Variants in PLCH1 observed in about 807,000 individuals in gnomAD.
The protein encoded by PLCH1 is phospholipase C eta 1.
In PLCH1, 60 loss-of-function variants were observed where a neutral mutation model predicts 126.7. That is an observed-to-expected ratio of 0.47 (90% CI 0.38 to 0.59). PLCH1 has a LOEUF of 0.59. PLCH1 is among the 20% of genes least tolerant of loss of function. The pLI, the probability that PLCH1 is intolerant of heterozygous loss-of-function variation, is 0.00. For missense variants in PLCH1, 1,723 were observed against 2,040.0 expected (o/e 0.84, Z 2.99); for synonymous variants, 719 against 734.9 (o/e 0.98, Z 0.35).
At chr3:155,639,769 C>A (rs1220364202) in intron 2 of PLCH1, among the ~76,000 whole-genome samples, 1 of 152,120 alleles carries the variant, frequency 6.6e-6, no homozygotes, top group Non-Finnish European at 1.5e-5. Context: ...CTGACTAAAT[C>A]TCATGTCAAA....
At chr3:155,743,570 A>G in intron 1 of PLCH1, 1 of 453,762 alleles carries the variant, frequency 2.2e-6, no homozygotes, top group South Asian at 1.6e-5. Flanking sequence ...CCAGCTTGAG[A>G]AAACTGGCTT....
intron 2 of PLCH1, among the ~76,000 whole-genome samples, chr3:155,602,123 T>G (rs1432046640): frequency 2.6e-5 from 4 of 152,122 alleles, no homozygotes; most frequent in Admixed American, 2.6e-4. Flanking sequence ...AAATAAACAA[T>G]GGAGTACTAT....
intron 1 of PLCH1, among the ~76,000 whole-genome samples, chr3:155,737,448 C>T (rs1749284579): frequency 6.6e-6 from 1 of 151,656 alleles, no homozygotes. Context: ...CCTCCCACCT[C>T]GGCCTCCCAA....
intron 14 of PLCH1, among the ~76,000 whole-genome samples, chr3:155,499,108 A>G (rs554862802): frequency 4.4e-4 from 67 of 152,372 alleles, no homozygotes; most frequent in Non-Finnish European, 7.8e-4. Flanking sequence ...TAAGTATCAT[A>G]GTGGGTGTGA....
rs147627283 is a variant in PLCH1, at chr3:155,605,354, T to A, written c.80-8976A>T. ...TCATGGAAATGCCTACTCTACCCCC[T>A]CTCTAGAAATATTTCTTGCTTGTAT... On this transcript the variant is annotated intron_variant, in intron 2 of 22. Transcript: ENST00000460012. Among the ~76,000 whole-genome samples, 604 of 152,112 alleles carry A rather than the reference T, an allele frequency of 4.0e-3. 5 individuals carry two copies. Among genetic ancestry groups the A allele is most frequent in the African/African-American group, 0.014 (579 of 41,504 alleles).
intron 4 of PLCH1, 123 bp from the exon 5 acceptor site, chr3:155,586,317 CCCTGCAATCCATAGGCT>C (rs1731367187): frequency 4.5e-6 from 4 of 881,622 alleles, no homozygotes; most frequent in Non-Finnish European, 7.1e-6. Context: ...TTTGAGGAGC[CCCTGCAATCCATAGGCT>C]CTGATGAGCT....
At chr3:155,668,624 G>A (rs1215719544) in intron 2 of PLCH1, among the ~76,000 whole-genome samples, 2 of 152,188 alleles carry the variant, frequency 1.3e-5, no homozygotes, top group African/African-American at 4.8e-5. Context: ...TGGGTGCGGT[G>A]GCTCACACCT....
chr3:155,609,759 T>A (rs898769378), intron 2 of PLCH1, among the ~76,000 whole-genome samples: 13 of 151,500 alleles, frequency 8.6e-5, no homozygotes, highest in Non-Finnish European at 1.6e-4. Context: ...CACCAGAAAG[T>A]TTCAACAATA....
intron 2 of PLCH1, among the ~76,000 whole-genome samples, chr3:155,617,968 G>A (rs1244921935): frequency 6.6e-6 from 1 of 152,142 alleles, no homozygotes; most frequent in Admixed American, 6.5e-5. Context: ...TCCATGGATG[G>A]GTTCAAGGCT....
Position 155,485,338 on chromosome 3 carries a change from A to G in PLCH1, c.2974+18T>C. Reference sequence around the variant, plus strand: ...AGCCTAGAAGGGTTTATTCTCAGAGAAACTTAAAGCATCTTACCTAGAGAG... The same window carrying G: ...AGCCTAGAAGGGTTTATTCTCAGAGGAACTTAAAGCATCTTACCTAGAGAG... On this transcript the variant is annotated intron_variant, in intron 22 of 22. Coordinates refer to ENST00000460012, the MANE Select transcript of PLCH1 (RefSeq NM_014996.4). 6.5e-7 allele frequency: 1 copy of G among 1,529,588 alleles called. No individual in the cohort carries two copies. The highest frequency in any genetic ancestry group is 9.0e-7 in the Non-Finnish European group (1 of 1,110,580). The allele number at this position is 1,529,588 out of a possible 1,614,324, so 94.8% of individuals were successfully genotyped here.
intron 1 of PLCH1, among the ~76,000 whole-genome samples, chr3:155,740,406 C>CAAAAAAAA (rs60626575): frequency 9.8e-6 from 1 of 102,194 alleles, no homozygotes. Context: ...GACTCTGTCT[C>CAAAAAAAA]AAAAAAAAAA....
At chr3:155,666,130 C>T (rs970791308) in intron 2 of PLCH1, among the ~76,000 whole-genome samples, 21 of 152,176 alleles carry the variant, frequency 1.4e-4, no homozygotes, top group African/African-American at 2.4e-5. Flanking sequence ...CTTACTTATA[C>T]ATTTATCTTC....
At chr3:155,645,892 G>A (rs1435814963) in intron 2 of PLCH1, among the ~76,000 whole-genome samples, 1 of 152,202 alleles carries the variant, frequency 6.6e-6, no homozygotes, top group Non-Finnish European at 1.5e-5. Flanking sequence ...GTTTTCCAAA[G>A]CAAAGAACTA....
intron 6 of PLCH1, among the ~76,000 whole-genome samples, chr3:155,573,842 CCAT>C (rs759536116): frequency 1.3e-5 from 2 of 152,224 alleles, no homozygotes; most frequent in Middle Eastern, 3.4e-3. Context: ...GTTATTATAG[CCAT>C]CTTCATAATC....
chr3:155,581,749 C>CTTTTT (rs55649426), intron 6 of PLCH1, among the ~76,000 whole-genome samples: 4 of 141,522 alleles, frequency 2.8e-5, no homozygotes, highest in Non-Finnish European at 6.1e-5. Flanking sequence ...CTCTTTTTTC[C>CTTTTT]TTTTTTTTTT....
rs959819834 is a variant in PLCH1 at position 155,480,655 on chromosome 3, G to A, written c.*313C>T. On this transcript the variant is annotated 3_prime_UTR_variant, in exon 23 of 23. Transcript: ENST00000460012. ...ACTGCAATCTGAGGACACAGTAAAG[G>A]ACATCTTGGTGAAACACACACACAT... 2.0e-5 allele frequency: 5 copies of A among 246,758 alleles called. No individual in the cohort carries two copies. In the Admixed American group the frequency reaches 2.4e-4, roughly 12 times the overall value. 15.3% of individuals were successfully genotyped at this position (246,758 alleles called of 1,614,324 possible). A position where few individuals can be genotyped will look rare whatever the true frequency, so the allele number is the denominator to read the frequency against.
At chr3:155,477,204 G>C (rs1713582015), downstream of PLCH1, among the ~76,000 whole-genome samples, 1 of 151,912 alleles carries the variant, frequency 6.6e-6, no homozygotes, top group South Asian at 2.1e-4. Flanking sequence ...CTATATACAA[G>C]ATAAAGAAAA....
At chr3:155,631,667 G>C (rs969076101) in intron 2 of PLCH1, among the ~76,000 whole-genome samples, 2 of 152,160 alleles carry the variant, frequency 1.3e-5, no homozygotes, top group Non-Finnish European at 2.9e-5. Flanking sequence ...CACAGAACAA[G>C]AACAATTCAA....
At position 155,458,168 on chromosome 3, in the gene PLCH1, C is replaced by G. The variant is rs796590553; in HGVS notation, c.2938+27188G>C. Among the ~76,000 whole-genome samples the G allele has an allele frequency of 5.3e-5, 8 of 151,810 alleles. No individual in the cohort carries two copies. In the South Asian group the frequency reaches 1.2e-3, roughly 24 times the overall value. On this transcript the variant is annotated intron_variant, in intron 21 of 21. Transcript: ENST00000494598. The stretch of plus-strand genomic sequence containing the variant: ...ACCACCCTGGCCAACATGGTGAAAC[C>G]CCATCTCTACCAAAAATACAAAAAT...
Sources: allele counts gnomAD v4.1 joint callset (sites outside exome capture counted in the v4.1 genomes callset), GRCh38; gene constraint gnomAD v4.1.1; transcripts MANE v1.5; gene names NCBI Gene and HGNC (gene_info 2026-07-23, HGNC 2026-07-21).